The following ADAMTSL1 variants were observed in gnomAD, a reference collection of about 807,000 sequenced individuals.
The protein encoded by ADAMTSL1 is ADAMTS like 1.
ADAMTSL1 carries 126 observed loss-of-function variants against 201.8 expected under a neutral mutation model. That is an observed-to-expected ratio of 0.62 (90% CI 0.54 to 0.72). ADAMTSL1 has a LOEUF of 0.72. Among genes scored for constraint, ADAMTSL1 ranks in the 30% least tolerant of loss-of-function variants. ADAMTSL1 has a pLI of 0.00. For synonymous variants in ADAMTSL1, 1,121 were observed against 903.4 expected, an observed-to-expected ratio of 1.24 and a Z score of -4.32; for missense variants, 2,679 against 2,277.8, an observed-to-expected ratio of 1.18 and a Z score of -3.59.
intron 26 of ADAMTSL1, among the ~76,000 whole-genome samples, chr9:18,901,567 T>G (rs1455695453): frequency 2.0e-5 from 3 of 152,146 alleles, no homozygotes; most frequent in South Asian, 4.1e-4. Context: ...ATGTAGAGTT[T>G]TGTATGAAAT....
chr9:18,200,512 G>A (rs542784097), intron 2 of ADAMTSL1, among the ~76,000 whole-genome samples: 8 of 151,974 alleles, frequency 5.3e-5, no homozygotes, highest in Middle Eastern at 3.4e-3. Flanking sequence ...GATAATAAAC[G>A]CATACATTTT....
At chr9:18,481,830 A>T (rs1821742721) in intron 1 of ADAMTSL1, among the ~76,000 whole-genome samples, 1 of 152,196 alleles carries the variant, frequency 6.6e-6, no homozygotes, top group Non-Finnish European at 1.5e-5. Context: ...TTTAGGGAAA[A>T]ACTATTTTCA....
At chr9:17,929,632 C>A (rs919319497) in intron 1 of ADAMTSL1, among the ~76,000 whole-genome samples, 2 of 152,152 alleles carry the variant, frequency 1.3e-5, no homozygotes, top group Admixed American at 1.3e-4. Context: ...AGCGTTCTTA[C>A]TTAAGGGACT....
At chr9:18,500,939 CT>C (rs1319212088) in intron 1 of ADAMTSL1, among the ~76,000 whole-genome samples, 84 of 152,250 alleles carry the variant, frequency 5.5e-4, no homozygotes, top group African/African-American at 1.9e-3. Context: ...CAGGGATAAT[CT>C]TTTGATCACT....
At chr9:18,320,121 A>G (rs1000163264) in intron 2 of ADAMTSL1, among the ~76,000 whole-genome samples, 2 of 151,990 alleles carry the variant, frequency 1.3e-5, no homozygotes, top group East Asian at 1.9e-4. Context: ...TTTTGCCAAG[A>G]GTCTGGATGA....
intron 4 of ADAMTSL1, among the ~76,000 whole-genome samples, chr9:18,588,997 C>T (rs1823736157): frequency 6.7e-6 from 1 of 148,578 alleles, no homozygotes; most frequent in African/African-American, 2.5e-5. Context: ...GCAACCTCCA[C>T]CCCTTAGTAT....
At chr9:18,457,249 AT>A (rs1733132383) in intron 2 of ADAMTSL1, among the ~76,000 whole-genome samples, 1 of 152,248 alleles carries the variant, frequency 6.6e-6, no homozygotes, top group Admixed American at 6.5e-5. Context: ...CAAAAGGGGA[AT>A]AAATGAGGAA....
At chr9:18,365,491 G>A (rs1479776424) in intron 2 of ADAMTSL1, among the ~76,000 whole-genome samples, 1 of 152,064 alleles carries the variant, frequency 6.6e-6, no homozygotes, top group Non-Finnish European at 1.5e-5. Flanking sequence ...AGGTACACAG[G>A]TGTTCATTTT....
chr9:18,896,063 A>G (rs2082582), intron 26 of ADAMTSL1, among the ~76,000 whole-genome samples: 25,450 of 151,440 alleles, frequency 0.17, 4,184 homozygotes, highest in African/African-American at 0.44. Flanking sequence ...AGAAGAAAAT[A>G]AACAAACAGA....
At chr9:18,223,195 G>T (rs1164635191) in intron 2 of ADAMTSL1, among the ~76,000 whole-genome samples, 1 of 151,592 alleles carries the variant, frequency 6.6e-6, no homozygotes, top group Non-Finnish European at 1.5e-5. Context: ...CATTCTAAAT[G>T]CCCCAAAATC....
chr9:18,184,560 T>C (rs937398914), intron 2 of ADAMTSL1, among the ~76,000 whole-genome samples: 3 of 152,222 alleles, frequency 2.0e-5, no homozygotes, highest in East Asian at 3.8e-4. Context: ...CCTGTTGTCA[T>C]TGGAATTTCA....
chr9:18,871,497 A>C (rs1827868575), intron 23 of ADAMTSL1, among the ~76,000 whole-genome samples: 1 of 152,182 alleles, frequency 6.6e-6, no homozygotes, highest in Non-Finnish European at 1.5e-5. Flanking sequence ...TTGTCCACAC[A>C]TACCTATAAG....
At chr9:18,581,224 C>G (rs1011712980) in intron 4 of ADAMTSL1, among the ~76,000 whole-genome samples, 6 of 152,156 alleles carry the variant, frequency 3.9e-5, no homozygotes, top group Non-Finnish European at 7.4e-5. Context: ...AAATGGCATT[C>G]TACCCTCTGT....
intron 1 of ADAMTSL1, among the ~76,000 whole-genome samples, chr9:18,156,699 G>T (rs1827169801): frequency 6.6e-6 from 1 of 151,704 alleles, no homozygotes; most frequent in Non-Finnish European, 1.5e-5. Context: ...CTTGTCATTA[G>T]AAGATGTGAT....
intron 1 of ADAMTSL1, among the ~76,000 whole-genome samples, chr9:17,943,601 T>G (rs1178331117): frequency 6.6e-6 from 1 of 152,130 alleles, no homozygotes; most frequent in Non-Finnish European, 1.5e-5. Context: ...AGCTATGAAT[T>G]TGAACCATTT....
At chr9:18,710,671 G>GT (rs1218055587) in intron 14 of ADAMTSL1, among the ~76,000 whole-genome samples, 90 of 97,184 alleles carry the variant, frequency 9.3e-4, no homozygotes, top group African/African-American at 2.2e-3. Flanking sequence ...GTTTTGTTTT[G>GT]TTTTTTTTTT....
chr9:18,785,322 T>C (rs72690556), intron 19 of ADAMTSL1, among the ~76,000 whole-genome samples: 7,312 of 152,280 alleles, frequency 0.048, 259 homozygotes, highest in South Asian at 0.075. Flanking sequence ...TAAATTAACA[T>C]TCAATATTCT....
chr9:18,150,904 A>C lies in ADAMTSL1; in HGVS notation c.88-12958A>C, dbSNP rs995642158. ...TAGGGTATTCAAATCTAAAGGACTT[A>C]TTTTTTTTTTCTGTGAAATAGGAGA... On this transcript the variant is annotated intron_variant, in intron 1 of 29. Coordinates refer to the ADAMTSL1 transcript ENST00000680146. Among the ~76,000 whole-genome samples the C allele has an allele frequency of 1.0e-4, 15 of 149,508 alleles. No homozygotes were observed. The Admixed American group carries it at 1.0e-3, about 10-fold the overall frequency.
chr9:18,478,171 C>T (rs537178822), intron 1 of ADAMTSL1, among the ~76,000 whole-genome samples: 1 of 152,228 alleles, frequency 6.6e-6, no homozygotes, highest in South Asian at 2.1e-4. Context: ...TTCTATCCTA[C>T]TAACAATATT....
Sources: gnomAD v4.1 joint callset for allele counts (sites outside exome capture counted in the v4.1 genomes callset) on GRCh38, gnomAD v4.1.1 for gene constraint, MANE v1.5 for transcripts, NCBI Gene and HGNC (gene_info 2026-07-23, HGNC 2026-07-21) for gene names.